XPOT: variants seen among roughly 807,000 people sequenced by gnomAD.
The protein encoded by XPOT is exportin-T.
A neutral mutation model predicts 128.2 loss-of-function variants in XPOT; 34 were observed. That is an observed-to-expected ratio of 0.27 (90% CI 0.20 to 0.35). XPOT has a LOEUF of 0.35. XPOT is among the 10% of genes least tolerant of loss of function. The pLI is 1.00. For synonymous variants in XPOT, 348 were observed against 394.3 expected (o/e 0.88, Z 1.39); for missense variants, 838 against 1,125.3 (o/e 0.74, Z 3.65).
At chr12:64,411,861 G>A (rs184730650) in intron 2 of XPOT, among the ~76,000 whole-genome samples, 1 of 152,232 alleles carries the variant, frequency 6.6e-6, no homozygotes, top group East Asian at 1.9e-4. Flanking sequence ...AAAAAGGTAT[G>A]GGGTAGAACT....
intron 23 of XPOT, chr12:64,443,170 G>A (rs2040339951): frequency 6.6e-6 from 1 of 151,988 alleles, no homozygotes; most frequent in Non-Finnish European, 1.5e-5. Flanking sequence ...TTTTGGATTT[G>A]AGGTATGTTG....
At chr12:64,447,328 G>A (rs2136043220) in intron 24 of XPOT, among the ~76,000 whole-genome samples, 1 of 152,298 alleles carries the variant, frequency 6.6e-6, no homozygotes, top group Non-Finnish European at 1.5e-5. Flanking sequence ...GCAGCATGTA[G>A]TACTAGGCCA....
chr12:64,430,500 A>G (rs534504307), intron 17 of XPOT, among the ~76,000 whole-genome samples: 2 of 152,340 alleles, frequency 1.3e-5, no homozygotes, highest in East Asian at 3.9e-4. Flanking sequence ...GTAAATCTTT[A>G]ACTCCTCTGA....
intron 16 of XPOT, among the ~76,000 whole-genome samples, chr12:64,429,189 A>C (rs184632771): frequency 1.9e-4 from 29 of 152,324 alleles, no homozygotes; most frequent in Admixed American, 1.9e-3. Context: ...TTGCAGAGTC[A>C]AATTTCTGAT....
chr12:64,427,916 C>A, intron 15 of XPOT, 135 bp from the exon 16 acceptor site: 1 of 638,148 alleles, frequency 1.6e-6, no homozygotes, highest in East Asian at 2.8e-5. Context: ...AAAAATTAAC[C>A]ATAGCTAATC....
In XPOT at chr12:64,425,412, T is replaced by C. The variant is rs2040182887; in HGVS notation, c.1527T>C (p.Tyr509=). Residue 509 remains tyrosine, a synonymous_variant, in exon 14 of 25, where the codon TAT becomes TAC. Coordinates refer to ENST00000332707, the MANE Select transcript of XPOT (RefSeq NM_007235.6). ...TLEFFETVVR[Y]EKFFTVEPQH... ...AGTTCTTCGAAACTGTTGTTAGATATGAAAAGTTTTTCACAGTTGAACCTC... is the reference window on the plus strand; with the variant it reads ...AGTTCTTCGAAACTGTTGTTAGATACGAAAAGTTTTTCACAGTTGAACCTC... 6.2e-7 allele frequency: 1 copy of C among 1,613,920 alleles called. No homozygotes were observed. The highest frequency in any genetic ancestry group is 2.2e-5 in the East Asian group (1 of 44,868).
At chr12:64,420,846 G>A (rs2040131243) in intron 8 of XPOT, among the ~76,000 whole-genome samples, 1 of 152,158 alleles carries the variant, frequency 6.6e-6, no homozygotes, top group South Asian at 2.1e-4. Flanking sequence ...TGTTGCCCAG[G>A]CTGGAGTGCA....
intron 15 of XPOT, among the ~76,000 whole-genome samples, chr12:64,427,218 G>A (rs1485375475): frequency 6.8e-6 from 1 of 146,892 alleles, no homozygotes; most frequent in Non-Finnish European, 1.5e-5. Flanking sequence ...CTCCTGGGTT[G>A]AAGCGATTCT....
At position 64,449,615 on chromosome 12, in the gene XPOT, C is replaced by T. The variant is rs149953752; in HGVS notation, c.*1484C>T. 10 of 152,090 alleles carry T rather than the reference C, an allele frequency of 6.6e-5. No individual in the cohort carries two copies. Among genetic ancestry groups the T allele is most frequent in the East Asian group, 3.9e-4 (2 of 5,188 alleles). 9.4% of individuals were successfully genotyped at this position (152,090 alleles called of 1,614,324 possible). Reference sequence around the variant, plus strand: ...TAAATTTTGTACATTTATTTTGTTCCGGTTAATTCCAGAAGACATTTCAAA... The same window carrying T: ...TAAATTTTGTACATTTATTTTGTTCTGGTTAATTCCAGAAGACATTTCAAA... On this transcript the variant is annotated 3_prime_UTR_variant, in exon 25 of 25. Coordinates refer to ENST00000332707, the MANE Select transcript of XPOT (RefSeq NM_007235.6).
At chr12:64,422,939 A>G in intron 9 of XPOT, 66 bp from the exon 10 acceptor site, 4 of 1,492,044 alleles carry the variant, frequency 2.7e-6, no homozygotes, top group Non-Finnish European at 3.7e-6. Flanking sequence ...AATTGATTCG[A>G]AAAATGTTCT....
At chr12:64,422,979 A>T in intron 9 of XPOT, 26 bp from the exon 10 acceptor site, 1 of 1,609,026 alleles carries the variant, frequency 6.2e-7, no homozygotes, top group Non-Finnish European at 8.5e-7. Context: ...AGAAAACCTA[A>T]TAAGTTATTG....
intron 5 of XPOT, among the ~76,000 whole-genome samples, chr12:64,418,532 C>T (rs887178408): frequency 6.6e-6 from 1 of 152,006 alleles, no homozygotes; most frequent in Non-Finnish European, 1.5e-5. Context: ...TTTTCATTTT[C>T]CTTAAAGAGC....
At chr12:64,436,497 T>C (rs1184089318) in intron 22 of XPOT, among the ~76,000 whole-genome samples, 1 of 151,818 alleles carries the variant, frequency 6.6e-6, no homozygotes, top group Non-Finnish European at 1.5e-5. Context: ...TGACCTCAAG[T>C]TGATCTGCCC....
intron 23 of XPOT, among the ~76,000 whole-genome samples, chr12:64,441,699 T>A (rs1162458222): frequency 2.0e-5 from 3 of 152,212 alleles, no homozygotes; most frequent in Admixed American, 6.5e-5. Flanking sequence ...TTTTTATTTT[T>A]TTTGAGATGG....
intron 1 of XPOT, 86 bp downstream of exon 1, chr12:64,404,890 C>CG (rs71092964): frequency 0.43 from 64,417 of 151,564 alleles, 16,347 homozygotes; most frequent in Non-Finnish European, 0.57. Context: ...CGGACCGGCC[C>CG]GGGGGAGTCC....
At chr12:64,417,061 A>G (rs1421810203) in intron 4 of XPOT, among the ~76,000 whole-genome samples, 1 of 152,144 alleles carries the variant, frequency 6.6e-6, no homozygotes, top group Non-Finnish European at 1.5e-5. Context: ...TACAAAAAAT[A>G]CAGAAACTAG....
At chr12:64,417,940 T>C in intron 4 of XPOT, 106 bp from the exon 5 acceptor site, 1 of 761,660 alleles carries the variant, frequency 1.3e-6, no homozygotes. Flanking sequence ...CTTCAGATAA[T>C]TGAGAGCTAT....
intron 22 of XPOT, among the ~76,000 whole-genome samples, chr12:64,438,075 C>T (rs1174155664): frequency 6.6e-6 from 1 of 152,008 alleles, no homozygotes; most frequent in Non-Finnish European, 1.5e-5. Flanking sequence ...GATTGGATGG[C>T]GTTGTTTGGA....
intron 12 of XPOT, 72 bp from the exon 13 acceptor site, chr12:64,424,966 T>A: frequency 7.6e-6 from 12 of 1,577,764 alleles, no homozygotes; most frequent in Non-Finnish European, 1.0e-5. Flanking sequence ...TTTGTTGGTG[T>A]CTTACCCTGT....
Sources: allele counts gnomAD v4.1 joint callset (sites outside exome capture counted in the v4.1 genomes callset), GRCh38; gene constraint gnomAD v4.1.1; transcripts MANE v1.5; gene names NCBI Gene and HGNC (gene_info 2026-07-23, HGNC 2026-07-21).